The following MIA2 variants were observed in gnomAD, a reference collection of about 807,000 sequenced individuals.
The protein encoded by MIA2 is MIA SH3 domain ER export factor 2.
MIA2 carries 127 observed loss-of-function variants against 167.8 expected under a neutral mutation model. The observed-to-expected ratio is 0.76, with a 90% CI of 0.66 to 0.88. MIA2 has a LOEUF of 0.88. MIA2 is among the 40% of genes least tolerant of loss of function. The pLI is 0.00. For missense variants in MIA2, 1,690 were observed against 1,624.7 expected (o/e 1.04, Z -0.69); for synonymous variants, 552 against 541.9 (o/e 1.02, Z -0.26).
rs138436762 is a variant in MIA2, at chr14:39,340,027, G to C, written c.3656-5877G>C. On this transcript the variant is annotated intron_variant, in intron 25 of 28. Transcript: ENST00000640607. ...ATGCCTAATTTTTAAATTTTCTGTA[G>C]AGACGGGGCCTCACTATGTTGCCCA... Among the ~76,000 whole-genome samples, 114 of 152,230 alleles carry C rather than the reference G, an allele frequency of 7.5e-4. No homozygotes were observed. In the East Asian group the frequency reaches 0.019, roughly 25 times the overall value.
At chr14:39,297,666 C>CGTGTGTGT (rs71435638) in intron 13 of MIA2, among the ~76,000 whole-genome samples, 5,907 of 140,086 alleles carry the variant, frequency 0.042, 214 homozygotes, top group African/African-American at 0.086. Flanking sequence ...TAGGGTTTTG[C>CGTGTGTGT]GTGTGTGTGT....
chr14:39,286,967 C>G (rs2059910118), intron 9 of MIA2, among the ~76,000 whole-genome samples: 1 of 152,142 alleles, frequency 6.6e-6, no homozygotes, highest in Non-Finnish European at 1.5e-5. Context: ...CTCAAGTGAT[C>G]TGCCCACCTT....
At chr14:39,272,213 A>G (rs796443347) in intron 6 of MIA2, among the ~76,000 whole-genome samples, 5 of 152,190 alleles carry the variant, frequency 3.3e-5, no homozygotes, top group African/African-American at 7.2e-5. Flanking sequence ...TTAGCTGAGC[A>G]TGGTGGTGTG....
chr14:39,329,615 T>G (rs1213277540), intron 25 of MIA2, among the ~76,000 whole-genome samples: 1 of 151,852 alleles, frequency 6.6e-6, no homozygotes, highest in African/African-American at 2.4e-5. Flanking sequence ...TAGCTCTTAT[T>G]ATTTTGAGAT....
rs770244124 is a variant in MIA2, at chr14:39,350,267, A to G, written c.*3A>G. 5.6e-6 allele frequency: 8 copies of G among 1,422,420 alleles called. No individual in the cohort carries two copies. In the African/African-American group the frequency reaches 6.0e-5, roughly 11 times the overall value. 88.1% of individuals were successfully genotyped at this position (1,422,420 alleles called of 1,614,324 possible). A position where few individuals can be genotyped will look rare whatever the true frequency, so the allele number is the denominator to read the frequency against. On this transcript the variant is annotated 3_prime_UTR_variant, in exon 29 of 29. Coordinates refer to ENST00000640607, the MANE Select transcript of MIA2 (RefSeq NM_001329214.4). ...CAGAACCACAGCAAGAAACCTGACA[A>G]TATTTTTGCTCTCTTCAAAAGTAAT...
chr14:39,380,614 A>T (rs1484558942), intron 23 of MIA2, among the ~76,000 whole-genome samples: 1 of 147,950 alleles, frequency 6.8e-6, no homozygotes, highest in Non-Finnish European at 1.5e-5. Context: ...AATTGCTTGA[A>T]CCCGGGAGGC....
At chr14:39,278,213 C>A (rs965845656) in intron 7 of MIA2, among the ~76,000 whole-genome samples, 1 of 152,108 alleles carries the variant, frequency 6.6e-6, no homozygotes, top group South Asian at 2.1e-4. Flanking sequence ...ATCTGCCTGC[C>A]TTGGTCTCCC....
chr14:39,254,659 C>T (rs1334920439), intron 6 of MIA2, among the ~76,000 whole-genome samples: 1 of 152,154 alleles, frequency 6.6e-6, no homozygotes, highest in Non-Finnish European at 1.5e-5. Flanking sequence ...AGCCTAGTTT[C>T]CCAGATACTC....
intron 24 of MIA2, 43 bp from the exon 25 acceptor site, chr14:39,326,821 T>G: frequency 6.5e-7 from 1 of 1,530,628 alleles, no homozygotes; most frequent in Non-Finnish European, 8.7e-7. Flanking sequence ...TATAAGACTT[T>G]TTAAGATGAA....
chr14:39,377,094 A>G (rs1435747475), intron 23 of MIA2, among the ~76,000 whole-genome samples: 1 of 152,026 alleles, frequency 6.6e-6, no homozygotes, highest in Non-Finnish European at 1.5e-5. Context: ...GAAGAAAATG[A>G]CTCTCTGGTC....
At chr14:39,294,648 G>A (rs973900495) in intron 12 of MIA2, among the ~76,000 whole-genome samples, 5 of 152,134 alleles carry the variant, frequency 3.3e-5, no homozygotes, top group African/African-American at 9.7e-5. Context: ...TTAAATTTTA[G>A]TAGGGGAGGC....
chr14:39,293,245 T>G (rs751521600), intron 10 of MIA2, 26 bp from the exon 11 acceptor site: 1 of 1,448,524 alleles, frequency 6.9e-7, no homozygotes, highest in Admixed American at 1.8e-5. Flanking sequence ...TTATATCTGT[T>G]TAATAAAGTT....
intron 24 of MIA2, among the ~76,000 whole-genome samples, chr14:39,324,972 T>C (rs531745440): frequency 8.5e-5 from 13 of 152,260 alleles, no homozygotes; most frequent in African/African-American, 2.9e-4. Context: ...ACTATAATCC[T>C]AGTACTTTGG....
chr14:39,247,915 A>T lies in MIA2; in HGVS notation c.1341A>T (p.Lys447Asn). ...DQIDKKPVSE[K>N]TDESDTIPYL... ...TAGACAAGAAACCAGTCTCAGAAAAAACAGACGAATCTGATACTATACCAT... is the reference window on the plus strand; with the variant it reads ...TAGACAAGAAACCAGTCTCAGAAAATACAGACGAATCTGATACTATACCAT... Residue 447 changes from lysine to asparagine, a missense_variant, in exon 4 of 29, where the codon AAA (lysine) becomes AAT (asparagine). Transcript: ENST00000640607. The T allele has an allele frequency of 6.3e-7, 1 of 1,595,114 alleles. No individual in the cohort carries two copies. Among genetic ancestry groups the T allele is most frequent in the Non-Finnish European group, 8.5e-7 (1 of 1,175,620 alleles).
intron 4 of MIA2, among the ~76,000 whole-genome samples, chr14:39,248,664 C>T (rs1245074387): frequency 1.3e-5 from 2 of 152,080 alleles, no homozygotes; most frequent in African/African-American, 4.8e-5. Context: ...TTCTCATTCA[C>T]ATTCGCTTTT....
intron 6 of MIA2, chr14:39,267,222 A>G: frequency 1.5e-6 from 2 of 1,357,112 alleles, no homozygotes; most frequent in Non-Finnish European, 9.5e-7. Flanking sequence ...TCGGGCTCGG[A>G]CCTGCGCTGC....
At chr14:39,267,744 A>C (rs2056202771) in intron 6 of MIA2, among the ~76,000 whole-genome samples, 1 of 152,208 alleles carries the variant, frequency 6.6e-6, no homozygotes, top group African/African-American at 2.4e-5. Context: ...GGCTCTGGGA[A>C]GGTGAAGAAA....
intron 4 of MIA2, among the ~76,000 whole-genome samples, chr14:39,251,263 A>G (rs2054559764): frequency 6.6e-6 from 1 of 152,156 alleles, no homozygotes; most frequent in Non-Finnish European, 1.5e-5. Context: ...TTTATATTAC[A>G]ATGTGCATAA....
chr14:39,346,109 A>G, intron 26 of MIA2, 83 bp downstream of exon 26: 1 of 1,183,106 alleles, frequency 8.5e-7, no homozygotes. Context: ...GACCAATATA[A>G]TTGCTATCTC....
Sources: gnomAD v4.1 joint callset for allele counts (sites outside exome capture counted in the v4.1 genomes callset) on GRCh38, gnomAD v4.1.1 for gene constraint, MANE v1.5 for transcripts, NCBI Gene and HGNC (gene_info 2026-07-23, HGNC 2026-07-21) for gene names.